Variants in UNC13C observed in about 807,000 individuals in gnomAD.
UNC13C encodes the protein unc-13 homolog C.
A neutral mutation model predicts 245.4 loss-of-function variants in UNC13C; 174 were observed. The observed-to-expected ratio is 0.71, with a 90% CI of 0.63 to 0.80. UNC13C has a LOEUF of 0.80. Ranked by LOEUF, UNC13C falls within the 30% of genes least tolerant of loss-of-function variation. The pLI is 0.00. For missense variants in UNC13C, 2,829 were observed against 2,602.9 expected, an observed-to-expected ratio of 1.09 and a Z score of -1.89; for synonymous variants, 992 against 895.1, an observed-to-expected ratio of 1.11 and a Z score of -1.93.
At chr15:53,999,227 T>C (rs142083793) in intron 1 of UNC13C, among the ~76,000 whole-genome samples, 363 of 151,988 alleles carry the variant, frequency 2.4e-3, no homozygotes, top group Non-Finnish European at 4.0e-3. Flanking sequence ...GCCTGGAGCT[T>C]TCTTTATGGA....
intron 18 of UNC13C, among the ~76,000 whole-genome samples, chr15:54,402,317 T>C (rs1364814208): frequency 6.6e-6 from 1 of 152,184 alleles, no homozygotes; most frequent in Non-Finnish European, 1.5e-5. Flanking sequence ...TGTGTTACTC[T>C]GCAGTTTTCT....
chr15:53,926,404 C>T, the UNC13C span, among the ~76,000 whole-genome samples: 1 of 151,500 alleles, frequency 6.6e-6, no homozygotes, highest in Non-Finnish European at 1.5e-5. Context: ...TTCTGTGGAT[C>T]AAAAAAGGGA....
chr15:54,317,602 G>T (rs923937274), intron 13 of UNC13C, among the ~76,000 whole-genome samples: 2 of 151,704 alleles, frequency 1.3e-5, no homozygotes, highest in Non-Finnish European at 2.9e-5. Context: ...AATTTATTTA[G>T]TTTATTTTAA....
Position 54,300,287 on chromosome 15 carries a change from G to T in UNC13C, c.4182G>T (p.Trp1394Cys). The change falls in exon 13 of 33, where the codon TGG becomes TGT. Residue 1394 changes from tryptophan (W) to cysteine (C), a missense_variant. Trp to Cys is a radical substitution (Grantham distance 215). Coordinates refer to ENST00000260323, the MANE Select transcript of UNC13C (RefSeq NM_001080534.3). ...CAGAAGTCAAAGGGGATGAAGCCTGGAAGGTTTTCTTTGATGATGCTTCCC... is the reference window on the plus strand; with the variant it reads ...CAGAAGTCAAAGGGGATGAAGCCTGTAAGGTTTTCTTTGATGATGCTTCCC... ...KIPEVKGDEA[W>C]KVFFDDASQE... 1 of 1,593,956 alleles carries T rather than the reference G, an allele frequency of 6.3e-7. No homozygotes were observed. Among genetic ancestry groups the T allele is most frequent in the Non-Finnish European group, 8.6e-7 (1 of 1,169,226 alleles).
chr15:54,567,353 C>T (rs1011662260), intron 29 of UNC13C, among the ~76,000 whole-genome samples: 2 of 152,134 alleles, frequency 1.3e-5, no homozygotes, highest in Non-Finnish European at 2.9e-5. Context: ...GTGGCAGACA[C>T]CTGACCTAGA....
chr15:54,419,089 G>T (rs901914012), intron 19 of UNC13C, among the ~76,000 whole-genome samples: 21 of 152,110 alleles, frequency 1.4e-4, no homozygotes, highest in African/African-American at 3.9e-4. Context: ...AATAACAGAA[G>T]AAAAATAGAC....
In UNC13C at chr15:54,628,038, G is replaced by A. The variant is rs1188674827; in HGVS notation, c.*925G>A. ...ATTGAATGCAGCATTACTATATATT[G>A]TACTGATGCCAAAAGTCATGTTTTC... On this transcript the variant is annotated 3_prime_UTR_variant, in exon 33 of 33. Transcript: ENST00000260323. 1 of 151,920 alleles carries A rather than the reference G, an allele frequency of 6.6e-6. No homozygotes were observed. The highest frequency in any genetic ancestry group is 1.5e-5 in the Non-Finnish European group (1 of 67,976). The allele number at this position is 151,920 out of a possible 1,614,324, so 9.4% of individuals were successfully genotyped here. A position where few individuals can be genotyped will look rare whatever the true frequency, so the allele number is the denominator to read the frequency against.
chr15:54,130,287 A>ATTTTTTTT lies in UNC13C; in HGVS notation c.2984-12717_2984-12710dup, dbSNP rs71824258. 2.0e-4 allele frequency among the ~76,000 whole-genome samples: 16 copies of ATTTTTTTT among 81,272 alleles called. 2 individuals are homozygous for ATTTTTTTT. Among genetic ancestry groups the ATTTTTTTT allele is most frequent in the Admixed American group, 5.5e-4 (3 of 5,450 alleles). The allele number at this position is 81,272 out of a possible 152,430, so 53.3% of individuals were successfully genotyped here. On this transcript the variant is annotated intron_variant, in intron 2 of 32. Coordinates refer to ENST00000260323, the MANE Select transcript of UNC13C (RefSeq NM_001080534.3). ...TTCTTCGTGGCCAGGTAGATAATTA[A>ATTTTTTTT]TTTTTTTTTTTTTTTTTTTTTGTGA...
At chr15:54,212,028 G>T (rs541444568) in intron 4 of UNC13C, among the ~76,000 whole-genome samples, 1 of 152,194 alleles carries the variant, frequency 6.6e-6, no homozygotes, top group East Asian at 1.9e-4. Context: ...AGATGCTTTA[G>T]CTTACACAAG....
chr15:54,068,325 T>G (rs995018766), intron 2 of UNC13C, among the ~76,000 whole-genome samples: 2 of 152,140 alleles, frequency 1.3e-5, no homozygotes, highest in African/African-American at 4.8e-5. Flanking sequence ...ATTATAGAGG[T>G]AGCTAGAAGA....
intron 30 of UNC13C, among the ~76,000 whole-genome samples, chr15:54,595,493 T>C (rs1899030791): frequency 6.6e-6 from 1 of 152,196 alleles, no homozygotes; most frequent in Non-Finnish European, 1.5e-5. Context: ...ATTGCTGGTT[T>C]GTTCTTGCAG....
At chr15:53,942,890 T>C in the UNC13C span, among the ~76,000 whole-genome samples, 1 of 152,226 alleles carries the variant, frequency 6.6e-6, no homozygotes, top group Non-Finnish European at 1.5e-5. Context: ...CTCAAGCTCC[T>C]GGCCTCAAGT....
chr15:54,101,783 A>G (rs1291287489), intron 2 of UNC13C, among the ~76,000 whole-genome samples: 1 of 151,822 alleles, frequency 6.6e-6, no homozygotes, highest in African/African-American at 2.4e-5. Flanking sequence ...ATGGGGTTTC[A>G]CCATATTGGT....
At chr15:53,985,553 T>C (rs1894103645) in intron 1 of UNC13C, among the ~76,000 whole-genome samples, 1 of 151,960 alleles carries the variant, frequency 6.6e-6, no homozygotes, top group Non-Finnish European at 1.5e-5. Context: ...CCAGCAACCC[T>C]GATTTATTCT....
At chr15:53,988,391 G>A (rs1186317874) in intron 1 of UNC13C, among the ~76,000 whole-genome samples, 1 of 151,724 alleles carries the variant, frequency 6.6e-6, no homozygotes, top group Non-Finnish European at 1.5e-5. Context: ...AATGCTTATG[G>A]GACATAAAAA....
At chr15:54,521,906 C>G (rs1234628984) in intron 24 of UNC13C, among the ~76,000 whole-genome samples, 1 of 152,172 alleles carries the variant, frequency 6.6e-6, no homozygotes, top group East Asian at 1.9e-4. Context: ...AATGCCCATG[C>G]ATGCAGGACA....
chr15:53,916,459 G>C, the UNC13C span, among the ~76,000 whole-genome samples: 5 of 152,300 alleles, frequency 3.3e-5, no homozygotes, highest in South Asian at 1.0e-3. Flanking sequence ...GGAATGGAAA[G>C]GATGAGGGGA....
At chr15:54,392,597 T>G (rs2039980815) in intron 17 of UNC13C, among the ~76,000 whole-genome samples, 1 of 152,014 alleles carries the variant, frequency 6.6e-6, no homozygotes, top group Middle Eastern at 3.4e-3. Flanking sequence ...GATGTAACTT[T>G]GAGCAAAATA....
chr15:54,012,200 T>G (rs1386021659), intron 1 of UNC13C, among the ~76,000 whole-genome samples: 1 of 152,176 alleles, frequency 6.6e-6, no homozygotes, highest in Non-Finnish European at 1.5e-5. Flanking sequence ...AGAGGTTATA[T>G]ATATATAGAT....
Sources: gnomAD v4.1 joint callset for allele counts (sites outside exome capture counted in the v4.1 genomes callset) on GRCh38, gnomAD v4.1.1 for gene constraint, MANE v1.5 for transcripts, NCBI Gene and HGNC (gene_info 2026-07-23, HGNC 2026-07-21) for gene names.